The following SPIRE1 variants were observed in gnomAD, a reference collection of about 807,000 sequenced individuals.
SPIRE1 encodes the protein protein spire homolog 1.
Under a neutral mutation model 94.1 loss-of-function variants are expected in SPIRE1, and 40 were observed. The ratio of observed to expected loss-of-function variants is 0.43; its 90% CI spans 0.33 to 0.55. The LOEUF (loss-of-function observed/expected upper bound fraction) is 0.55, where lower values mean the gene tolerates loss of function less well. SPIRE1 is among the 20% of genes least tolerant of loss of function. The pLI is 0.06. For missense variants in SPIRE1, 838 were observed against 975.2 expected (o/e 0.86, Z 1.87); for synonymous variants, 376 against 371.7 (o/e 1.01, Z -0.13).
intron 16 of SPIRE1, 133 bp downstream of exon 16, chr18:12,452,121 TA>T: frequency 9.5e-7 from 1 of 1,055,866 alleles, no homozygotes; most frequent in Non-Finnish European, 1.4e-6. Context: ...GATTTGTGTG[TA>T]AAACTGTATT....
Position 12,549,520 on chromosome 18 carries a change from C to T in SPIRE1, c.373-2616G>A, listed in dbSNP as rs552319237. Among the ~76,000 whole-genome samples the T allele has an allele frequency of 5.6e-5, 7 of 125,894 alleles. No homozygotes were observed. In the South Asian group the frequency reaches 8.4e-4, roughly 15 times the overall value. 82.6% of individuals were successfully genotyped at this position (125,894 alleles called of 152,430 possible). On this transcript the variant is annotated intron_variant, in intron 2 of 16. Transcript: ENST00000409402. ...AGGCTGGAGTGTAGTGGCGCGATCTCGGCTCACTGCAATCTCCACCTCCCG... is the reference window on the plus strand; with the variant it reads ...AGGCTGGAGTGTAGTGGCGCGATCTTGGCTCACTGCAATCTCCACCTCCCG...
chr18:12,476,276 C>T (rs1285932073), intron 10 of SPIRE1, among the ~76,000 whole-genome samples: 2 of 150,904 alleles, frequency 1.3e-5, no homozygotes, highest in Non-Finnish European at 1.5e-5. Flanking sequence ...TGGTGGCTCA[C>T]GCCTGTAATC....
chr18:12,657,449 A>G (rs2038581098), intron 1 of SPIRE1, 81 bp downstream of exon 1: 1 of 1,104,842 alleles, frequency 9.1e-7, no homozygotes, highest in Non-Finnish European at 1.1e-6. Context: ...CGGGGGCGGA[A>G]GGGCCGGGGA....
chr18:12,579,360 T>C (rs1311357942), intron 2 of SPIRE1, among the ~76,000 whole-genome samples: 3 of 152,176 alleles, frequency 2.0e-5, no homozygotes, highest in African/African-American at 7.2e-5. Context: ...CTAAAAACAT[T>C]ATGCTAAGTG....
At chr18:12,638,866 T>G (rs2038007737) in intron 1 of SPIRE1, among the ~76,000 whole-genome samples, 1 of 152,152 alleles carries the variant, frequency 6.6e-6, no homozygotes, top group African/African-American at 2.4e-5. Flanking sequence ...CCCCTTCACC[T>G]TTTGCGATGA....
At chr18:12,552,251 G>C (rs765842999) in intron 2 of SPIRE1, among the ~76,000 whole-genome samples, 3 of 152,180 alleles carry the variant, frequency 2.0e-5, no homozygotes, top group Non-Finnish European at 4.4e-5. Flanking sequence ...TCCTGGTGCT[G>C]AGCTGGGCTC....
At chr18:12,468,114 T>G (rs1001808450) in intron 10 of SPIRE1, among the ~76,000 whole-genome samples, 2 of 152,246 alleles carry the variant, frequency 1.3e-5, no homozygotes, top group South Asian at 2.1e-4. Context: ...GTAAGAAAAC[T>G]ATCTCTGAGA....
At chr18:12,624,245 A>G (rs1027428638) in intron 2 of SPIRE1, among the ~76,000 whole-genome samples, 1 of 151,896 alleles carries the variant, frequency 6.6e-6, no homozygotes, top group Admixed American at 6.6e-5. Flanking sequence ...ATTAAAAAAA[A>G]AAAAACATTC....
intron 6 of SPIRE1, among the ~76,000 whole-genome samples, chr18:12,506,220 C>T (rs143807462): frequency 0.012 from 1,888 of 152,204 alleles, 81 homozygotes; most frequent in East Asian, 0.1. Context: ...TGCAGTGGCT[C>T]GATCTTGGGT....
intron 1 of SPIRE1, chr18:12,653,363 A>C (rs2038434993): frequency 1.3e-5 from 2 of 152,270 alleles, no homozygotes; most frequent in South Asian, 4.1e-4. Flanking sequence ...AGGAAGAAGG[A>C]AACTAAAACC....
At chr18:12,583,327 G>A (rs2036305452) in intron 2 of SPIRE1, among the ~76,000 whole-genome samples, 1 of 152,076 alleles carries the variant, frequency 6.6e-6, no homozygotes, top group Non-Finnish European at 1.5e-5. Context: ...AAAAAGGCCG[G>A]GTATGGTGGC....
At chr18:12,522,788 C>T (rs149149786) in intron 4 of SPIRE1, among the ~76,000 whole-genome samples, 22 of 152,256 alleles carry the variant, frequency 1.4e-4, no homozygotes, top group African/African-American at 5.3e-4. Context: ...TGGATGGCGG[C>T]ACATCTGTTT....
intron 2 of SPIRE1, among the ~76,000 whole-genome samples, chr18:12,554,413 T>C (rs1028598688): frequency 6.6e-6 from 1 of 152,092 alleles, no homozygotes; most frequent in African/African-American, 2.4e-5. Flanking sequence ...GATAAATTCT[T>C]AGACACATAC....
chr18:12,608,441 T>A (rs954256799), intron 2 of SPIRE1, among the ~76,000 whole-genome samples: 8 of 152,200 alleles, frequency 5.3e-5, no homozygotes, highest in Non-Finnish European at 2.9e-5. Context: ...TGCACAATAG[T>A]TAGACATTTA....
rs150828284 is a variant in SPIRE1 at position 12,505,747 on chromosome 18, G to A, written c.972+730C>T. 2.7e-4 allele frequency among the ~76,000 whole-genome samples: 41 copies of A among 152,076 alleles called. No individual in the cohort carries two copies. The East Asian group carries it at 7.9e-3, about 29-fold the overall frequency. ...TACACAAAATATGTTGCTTATAAAG[G>A]GACACAAGGTGATTTGTTTAATAAA... On this transcript the variant is annotated intron_variant, in intron 6 of 16. Coordinates refer to ENST00000409402, the MANE Select transcript of SPIRE1 (RefSeq NM_001128626.2).
At chr18:12,570,910 C>G (rs908222672) in intron 2 of SPIRE1, among the ~76,000 whole-genome samples, 1 of 152,144 alleles carries the variant, frequency 6.6e-6, no homozygotes, top group Non-Finnish European at 1.5e-5. Context: ...AAATTATCAA[C>G]CCTTTGGGTT....
intron 4 of SPIRE1, among the ~76,000 whole-genome samples, chr18:12,530,064 T>C (rs2034641371): frequency 6.6e-6 from 1 of 152,198 alleles, no homozygotes; most frequent in African/African-American, 2.4e-5. Context: ...GTTAAATCTG[T>C]GTTTTTAAAA....
chr18:12,584,087 C>G (rs2036328115), intron 2 of SPIRE1, among the ~76,000 whole-genome samples: 1 of 151,886 alleles, frequency 6.6e-6, no homozygotes, highest in African/African-American at 2.4e-5. Context: ...TATAAAAGGA[C>G]AGAAATATAT....
chr18:12,462,497 C>G (rs1276948210), intron 12 of SPIRE1, among the ~76,000 whole-genome samples: 2 of 152,272 alleles, frequency 1.3e-5, no homozygotes, highest in Admixed American at 6.5e-5. Context: ...TCTACTAATT[C>G]CTCCTGGCAA....
Sources: gnomAD v4.1 joint callset for allele counts (sites outside exome capture counted in the v4.1 genomes callset) on GRCh38, gnomAD v4.1.1 for gene constraint, MANE v1.5 for transcripts, NCBI Gene and HGNC (gene_info 2026-07-23, HGNC 2026-07-21) for gene names.